Variants in PRELID2 observed in about 807,000 individuals in gnomAD.
PRELID2 encodes the protein PRELI domain containing 2, also known as PRELI domain-containing protein 2.
In PRELID2, 25 loss-of-function variants were observed where a neutral mutation model predicts 28.4. That is an observed-to-expected ratio of 0.88 (90% CI 0.64 to 1.23). The LOEUF (loss-of-function observed/expected upper bound fraction) is 1.23. Among genes scored for constraint, PRELID2 ranks in the 50% most tolerant of loss-of-function variants. The pLI is 0.00. For missense variants in PRELID2, 201 were observed against 214.4 expected, an observed-to-expected ratio of 0.94 and a Z score of 0.39; for synonymous variants, 76 against 71.6, an observed-to-expected ratio of 1.06 and a Z score of -0.31.
chr5:145,793,760 C>T (rs562732196), intron 5 of PRELID2, among the ~76,000 whole-genome samples: 64 of 152,222 alleles, frequency 4.2e-4, no homozygotes, highest in African/African-American at 1.5e-3. Flanking sequence ...CATTCCCACA[C>T]GAATGGATGG....
the PRELID2 span, among the ~76,000 whole-genome samples, chr5:145,278,509 T>C: frequency 6.6e-6 from 1 of 152,154 alleles, no homozygotes; most frequent in Non-Finnish European, 1.5e-5. Context: ...TTTCAGTTAC[T>C]CACTCTGTAG....
the PRELID2 span, among the ~76,000 whole-genome samples, chr5:145,326,257 C>G: frequency 6.6e-6 from 1 of 152,146 alleles, no homozygotes; most frequent in African/African-American, 2.4e-5. Flanking sequence ...GTTCACACCT[C>G]AGCTTCCCAA....
At chr5:145,271,510 G>A in the PRELID2 span, among the ~76,000 whole-genome samples, 2 of 151,976 alleles carry the variant, frequency 1.3e-5, no homozygotes, top group African/African-American at 4.8e-5. Context: ...CCCCATACTT[G>A]GCCCTATACC....
the PRELID2 span, among the ~76,000 whole-genome samples, chr5:145,351,793 A>C: frequency 1.3e-5 from 2 of 152,320 alleles, no homozygotes; most frequent in African/African-American, 4.8e-5. Flanking sequence ...ATACAGGTAG[A>C]GGCATTGGGT....
downstream of PRELID2, chr5:145,754,277 G>A (rs534586152): frequency 6.6e-6 from 1 of 152,226 alleles, no homozygotes; most frequent in South Asian, 2.1e-4. Flanking sequence ...CTCTCACTCA[G>A]ACATTATTTG....
chr5:145,312,590 A>G, the PRELID2 span, among the ~76,000 whole-genome samples: 1 of 152,214 alleles, frequency 6.6e-6, no homozygotes, highest in Non-Finnish European at 1.5e-5. Context: ...GATTCCACAT[A>G]TAAGTGAGAT....
At chr5:145,547,349 C>G (rs529140381) in intron 1 of PRELID2, among the ~76,000 whole-genome samples, 1 of 152,160 alleles carries the variant, frequency 6.6e-6, no homozygotes, top group East Asian at 1.9e-4. Flanking sequence ...TCCATTTTAT[C>G]TTCTGTAGCT....
At chr5:145,722,599 A>C (rs1756021371) in intron 1 of PRELID2, among the ~76,000 whole-genome samples, 2 of 152,122 alleles carry the variant, frequency 1.3e-5, no homozygotes, top group Admixed American at 1.3e-4. Context: ...CCTGGGTTCA[A>C]GCGATTCTCC....
rs906827824 is a variant in PRELID2 at position 145,594,478 on chromosome 5, T to C, written n.71-121163A>G. Among the ~76,000 whole-genome samples the C allele has an allele frequency of 7.2e-5, 11 of 152,290 alleles. No individual in the cohort carries two copies. In the East Asian group the frequency reaches 2.1e-3, roughly 29 times the overall value. ...TTCCTGACTTTCATCTCAATTTGCT[T>C]TGAAGAATTACGCTCACTTCAAAAA... On this transcript the variant is annotated intron_variant and non_coding_transcript_variant, in intron 1 of 2. Transcript: ENST00000510259.
chr5:145,683,067 T>C (rs1251522939), intron 1 of PRELID2, among the ~76,000 whole-genome samples: 2 of 152,152 alleles, frequency 1.3e-5, no homozygotes, highest in East Asian at 3.9e-4. Context: ...ATTGTTTATA[T>C]TGGGTGAAAG....
intron 1 of PRELID2, among the ~76,000 whole-genome samples, chr5:145,518,127 A>T (rs1434772441): frequency 7.5e-6 from 1 of 133,720 alleles, no homozygotes; most frequent in Non-Finnish European, 1.5e-5. Flanking sequence ...GTGTCCCAGA[A>T]CTTGAAGTAT....
intron 1 of PRELID2, among the ~76,000 whole-genome samples, chr5:145,564,366 T>C (rs1752947737): frequency 6.6e-6 from 1 of 152,206 alleles, no homozygotes. Flanking sequence ...TCTGCCACTA[T>C]GCTCCAGCCA....
chr5:145,415,966 T>C, the PRELID2 span, among the ~76,000 whole-genome samples: 294 of 152,186 alleles, frequency 1.9e-3, 2 homozygotes, highest in African/African-American at 6.7e-3. Flanking sequence ...TTTTAATGAT[T>C]GCCATTCTAA....
intron 1 of PRELID2, among the ~76,000 whole-genome samples, chr5:145,723,323 C>T (rs1172736797): frequency 2.0e-5 from 3 of 152,228 alleles, no homozygotes; most frequent in South Asian, 2.1e-4. Context: ...ACTACAGAAA[C>T]GTGCAAGACT....
the PRELID2 span, among the ~76,000 whole-genome samples, chr5:145,417,051 A>T: frequency 6.6e-6 from 1 of 152,240 alleles, no homozygotes; most frequent in South Asian, 2.1e-4. Context: ...AAATAGAGAC[A>T]ATCAGAAATG....
At chr5:145,396,295 A>G in the PRELID2 span, among the ~76,000 whole-genome samples, 1 of 152,252 alleles carries the variant, frequency 6.6e-6, no homozygotes, top group Admixed American at 6.6e-5. Flanking sequence ...ATTGTTCAGC[A>G]GACCTATTTG....
At chr5:145,439,922 G>A in the PRELID2 span, among the ~76,000 whole-genome samples, 1 of 152,002 alleles carries the variant, frequency 6.6e-6, no homozygotes, top group Non-Finnish European at 1.5e-5. Context: ...AAATCTCCCT[G>A]TTGCCTGAAA....
intron 1 of PRELID2, among the ~76,000 whole-genome samples, chr5:145,643,590 A>T (rs1383682534): frequency 1.3e-5 from 2 of 152,142 alleles, no homozygotes; most frequent in Non-Finnish European, 2.9e-5. Context: ...TGCCTTGTGC[A>T]GGATTTCAAA....
chr5:145,806,189 C>G (rs892387917), intron 4 of PRELID2, among the ~76,000 whole-genome samples: 24 of 152,228 alleles, frequency 1.6e-4, no homozygotes, highest in Admixed American at 3.3e-4. Context: ...TAAACGTTTT[C>G]ATTTTTAACT....
Sources: allele counts gnomAD v4.1 joint callset (sites outside exome capture counted in the v4.1 genomes callset), GRCh38; gene constraint gnomAD v4.1.1; transcripts MANE v1.5; gene names NCBI Gene and HGNC (gene_info 2026-07-23, HGNC 2026-07-21).